Variants in MACROD2 observed in about 807,000 individuals in gnomAD.
MACROD2 encodes the protein ADP-ribose glycohydrolase MACROD2.
Under a neutral mutation model 70.4 loss-of-function variants are expected in MACROD2, and 36 were observed. That is an observed-to-expected ratio of 0.51 (90% CI 0.39 to 0.68). The LOEUF (loss-of-function observed/expected upper bound fraction) is 0.68. Ranked by LOEUF, MACROD2 falls within the 30% of genes least tolerant of loss-of-function variation. MACROD2 has a pLI of 0.00. For missense variants in MACROD2, 496 were observed against 538.4 expected (o/e 0.92, Z 0.78); for synonymous variants, 172 against 178.8 (o/e 0.96, Z 0.30).
chr20:15,858,541 G>C (rs1184299276), intron 8 of MACROD2, among the ~76,000 whole-genome samples: 5 of 152,186 alleles, frequency 3.3e-5, no homozygotes, highest in Non-Finnish European at 7.3e-5. Context: ...TGGAAAAACA[G>C]TTACAGGGAG....
chr20:14,783,457 C>T (rs2072326878), intron 5 of MACROD2, among the ~76,000 whole-genome samples: 1 of 152,090 alleles, frequency 6.6e-6, no homozygotes, highest in Admixed American at 6.5e-5. Flanking sequence ...ACTTATTCTC[C>T]TCATAATTTC....
At chr20:14,485,499 G>A (rs6033968) in intron 3 of MACROD2, among the ~76,000 whole-genome samples, 98,579 of 151,768 alleles carry the variant, frequency 0.65, 32,429 homozygotes, top group Non-Finnish European at 0.67. Flanking sequence ...CGGGAAATCA[G>A]GATCATCCTG....
At chr20:14,971,156 C>G (rs1435498665) in intron 5 of MACROD2, among the ~76,000 whole-genome samples, 5 of 152,146 alleles carry the variant, frequency 3.3e-5, no homozygotes, top group African/African-American at 1.2e-4. Context: ...AGTGTAAATA[C>G]TATACAAATA....
At chr20:15,239,289 A>T (rs2077040535) in intron 6 of MACROD2, among the ~76,000 whole-genome samples, 1 of 152,062 alleles carries the variant, frequency 6.6e-6, no homozygotes, top group Non-Finnish European at 1.5e-5. Flanking sequence ...AAAAACAATA[A>T]AAAATTTAAA....
At chr20:14,146,806 GC>G (rs1395108369) in intron 3 of MACROD2, among the ~76,000 whole-genome samples, 1 of 152,148 alleles carries the variant, frequency 6.6e-6, no homozygotes, top group Non-Finnish European at 1.5e-5. Flanking sequence ...AAAGTCCCTT[GC>G]TGGACGGGAG....
At chr20:14,556,291 C>A (rs751957974) in intron 4 of MACROD2, among the ~76,000 whole-genome samples, 2 of 151,974 alleles carry the variant, frequency 1.3e-5, no homozygotes, top group Non-Finnish European at 2.9e-5. Flanking sequence ...TACAGTGCTA[C>A]GAAGATGGCA....
At chr20:14,779,601 C>G (rs2072274890) in intron 5 of MACROD2, among the ~76,000 whole-genome samples, 1 of 151,992 alleles carries the variant, frequency 6.6e-6, no homozygotes, top group Non-Finnish European at 1.5e-5. Context: ...ACACTTAACC[C>G]AGTTTTCTTA....
rs1033623673 is a variant in MACROD2, at chr20:14,325,302, T to C, written c.272-168177T>C. On this transcript the variant is annotated intron_variant, in intron 3 of 17. Coordinates refer to ENST00000684519, the MANE Select transcript of MACROD2 (RefSeq NM_001351661.2). ...ATAACTCCAATATTTGCAAGGAAAA[T>C]ACAGTACAAATTACTAAAAAATACT... 2.4e-5 allele frequency: 8 copies of C among 327,784 alleles called. No individual in the cohort carries two copies. In the Admixed American group the frequency reaches 3.6e-4, roughly 15 times the overall value. The allele number at this position is 327,784 out of a possible 1,614,324, so 20.3% of individuals were successfully genotyped here.
chr20:14,761,913 T>G (rs1310312654), intron 5 of MACROD2, among the ~76,000 whole-genome samples: 1 of 152,118 alleles, frequency 6.6e-6, no homozygotes, highest in Non-Finnish European at 1.5e-5. Flanking sequence ...TACTTAGGCA[T>G]TTTCTCACTA....
At chr20:15,720,530 G>A (rs958081571) in intron 8 of MACROD2, among the ~76,000 whole-genome samples, 3 of 152,084 alleles carry the variant, frequency 2.0e-5, no homozygotes, top group Admixed American at 1.3e-4. Flanking sequence ...ATCTTTACAC[G>A]CAACACATTG....
chr20:14,964,285 C>T (rs1220060535), intron 5 of MACROD2, among the ~76,000 whole-genome samples: 1 of 152,034 alleles, frequency 6.6e-6, no homozygotes, highest in African/African-American at 2.4e-5. Context: ...AATGAGACTG[C>T]ACACAGGCCG....
chr20:14,485,290 C>T (rs1165352869), intron 3 of MACROD2, among the ~76,000 whole-genome samples: 1 of 152,076 alleles, frequency 6.6e-6, no homozygotes, highest in South Asian at 2.1e-4. Context: ...TCTCATAGGG[C>T]GTTACATATT....
intron 4 of MACROD2, among the ~76,000 whole-genome samples, chr20:14,572,122 A>T (rs1032447608): frequency 6.6e-6 from 1 of 152,092 alleles, no homozygotes; most frequent in African/African-American, 2.4e-5. Flanking sequence ...CTTAAAGAAG[A>T]GGCTAATACT....
In MACROD2 at chr20:15,225,495, C is replaced by G. The variant is rs532242603; in HGVS notation, c.419-4445C>G. On this transcript the variant is annotated intron_variant, in intron 5 of 17. Transcript: ENST00000684519. ...CATCTTCATAGTTTCTGTCACTCTT[C>G]TAGTAGGTAACCACTCTTATTAACT... is the stretch of plus-strand genomic sequence containing the variant. Among the ~76,000 whole-genome samples, 4 of 152,298 alleles carry G rather than the reference C, an allele frequency of 2.6e-5. No homozygotes were observed. The South Asian group carries it at 8.3e-4, about 32-fold the overall frequency.
At chr20:14,599,138 A>G (rs1982327463) in intron 4 of MACROD2, among the ~76,000 whole-genome samples, 1 of 152,194 alleles carries the variant, frequency 6.6e-6, no homozygotes, top group African/African-American at 2.4e-5. Context: ...TATATTAAGT[A>G]TATAAGTATG....
chr20:15,018,089 A>G (rs183325098), intron 5 of MACROD2, among the ~76,000 whole-genome samples: 5 of 152,266 alleles, frequency 3.3e-5, no homozygotes, highest in African/African-American at 1.2e-4. Context: ...TTTCTATCGA[A>G]TAGTCAGGCT....
chr20:15,447,997 C>T (rs905233732), intron 7 of MACROD2, among the ~76,000 whole-genome samples: 50 of 152,224 alleles, frequency 3.3e-4, no homozygotes, highest in Admixed American at 8.5e-4. Flanking sequence ...CTACACTCTT[C>T]TAATCCCCAT....
At chr20:14,753,622 T>C (rs1378698974) in intron 5 of MACROD2, among the ~76,000 whole-genome samples, 1 of 152,084 alleles carries the variant, frequency 6.6e-6, no homozygotes, top group Non-Finnish European at 1.5e-5. Flanking sequence ...AAAAAAGTCA[T>C]ACGGAGAAAA....
In MACROD2 at chr20:15,301,125, C is replaced by T. The variant is rs147816848; in HGVS notation, c.540+71064C>T. Among the ~76,000 whole-genome samples the T allele has an allele frequency of 6.0e-3, 915 of 152,276 alleles. 13 individuals carry two copies. Among genetic ancestry groups the T allele is most frequent in the African/African-American group, 0.021 (856 of 41,556 alleles). Reference sequence around the variant, plus strand: ...CTAGCTGTAGAAGTCAGTGACCATTCGCCTGCCTTACTGGCCCACTGAGTC... The same window carrying T: ...CTAGCTGTAGAAGTCAGTGACCATTTGCCTGCCTTACTGGCCCACTGAGTC... On this transcript the variant is annotated intron_variant, in intron 6 of 17. Coordinates refer to ENST00000684519, the MANE Select transcript of MACROD2 (RefSeq NM_001351661.2).
Sources: gnomAD v4.1 joint callset for allele counts (sites outside exome capture counted in the v4.1 genomes callset) on GRCh38, gnomAD v4.1.1 for gene constraint, MANE v1.5 for transcripts, NCBI Gene and HGNC (gene_info 2026-07-23, HGNC 2026-07-21) for gene names.